The following RPS6KA6 variants were observed in gnomAD, a reference collection of about 807,000 sequenced individuals.
RPS6KA6 encodes ribosomal protein S6 kinase A6, also known as ribosomal protein S6 kinase alpha-6.
RPS6KA6 carries 27 observed loss-of-function variants against 65.4 expected under a neutral mutation model. The observed-to-expected ratio is 0.41, with a 90% CI of 0.30 to 0.57. The LOEUF is 0.57. Among genes scored for constraint, RPS6KA6 ranks in the 20% least tolerant of loss-of-function variants. The pLI, the probability that RPS6KA6 is intolerant of heterozygous loss-of-function variation, is 0.24. For missense variants in RPS6KA6, 486 were observed against 555.6 expected, an observed-to-expected ratio of 0.87 and a Z score of 1.26; for synonymous variants, 190 against 184.2, an observed-to-expected ratio of 1.03 and a Z score of -0.26.
chrX:84,103,842 T>C (rs192857253), intron 17 of RPS6KA6, among the ~76,000 whole-genome samples: 239 of 111,528 alleles, frequency 2.1e-3, no homozygotes, highest in African/African-American at 7.3e-3. Flanking sequence ...TTTCATTATG[T>C]CAATTCTAAA....
intron 20 of RPS6KA6, among the ~76,000 whole-genome samples, chrX:84,075,384 TTGAG>T (rs1426113045): frequency 9.0e-6 from 1 of 111,607 alleles, no homozygotes; most frequent in Non-Finnish European, 1.9e-5. Context: ...AAAGAGCAGT[TTGAG>T]TGAGCTGTGA....
intron 1 of RPS6KA6, among the ~76,000 whole-genome samples, chrX:84,172,002 G>A (rs1365003474): frequency 9.0e-6 from 1 of 111,508 alleles, no homozygotes; most frequent in African/African-American, 3.3e-5. Context: ...TCCCTGCAAA[G>A]GACATGAACT....
At chrX:84,156,278 T>C in intron 2 of RPS6KA6, 87 bp from the exon 3 acceptor site, 1 of 506,624 alleles carries the variant, frequency 2.0e-6, no homozygotes. Flanking sequence ...ATAATAGAAA[T>C]ACCCAACTCC....
rs376546960 is a variant in RPS6KA6, at chrX:84,163,511, C to T, written c.141+817G>A. On this transcript the variant is annotated intron_variant, in intron 2 of 21. Transcript: ENST00000262752. ...AAAATTAGCCGGGCGCGGTGGCGGG[C>T]GCCTGTAGTCCCAGCTACTCGGGAG... Among the ~76,000 whole-genome samples, 5 of 105,386 alleles carry T rather than the reference C, an allele frequency of 4.7e-5. No individual in the cohort carries two copies. In the East Asian group the frequency reaches 9.0e-4, roughly 19 times the overall value. The allele number at this position is 105,386 out of a possible 115,157, so 91.5% of individuals were successfully genotyped here.
chrX:84,088,934 G>A (rs2033987446), intron 20 of RPS6KA6, among the ~76,000 whole-genome samples: 1 of 111,490 alleles, frequency 9.0e-6, no homozygotes, highest in African/African-American at 3.3e-5. Flanking sequence ...CTGGGTTGTG[G>A]GGGACTCTTC....
chrX:84,084,148 C>T (rs1431366469), intron 20 of RPS6KA6, among the ~76,000 whole-genome samples: 3 of 112,253 alleles, frequency 2.7e-5, no homozygotes, highest in African/African-American at 9.7e-5. Flanking sequence ...TTTTCTCCCA[C>T]TCTGTAGTCT....
chrX:84,155,994 A>C (rs1010701649), intron 3 of RPS6KA6, 81 bp downstream of exon 3: 24 of 526,021 alleles, frequency 4.6e-5, no homozygotes, highest in Admixed American at 1.1e-4. Context: ...ACGACTCATT[A>C]ATCAGATTTC....
intron 8 of RPS6KA6, among the ~76,000 whole-genome samples, chrX:84,126,462 A>T (rs1171260493): frequency 9.0e-6 from 1 of 111,613 alleles, no homozygotes; most frequent in Non-Finnish European, 1.9e-5. Flanking sequence ...CAACAATGAA[A>T]TATCGAACTT....
chrX:84,067,992 A>G (rs1194913619), intron 20 of RPS6KA6, among the ~76,000 whole-genome samples: 1 of 112,071 alleles, frequency 8.9e-6, no homozygotes, highest in Non-Finnish European at 1.9e-5. Flanking sequence ...AGAATTTTCA[A>G]CCCAGAATTT....
rs766234337 is a variant in RPS6KA6 at position 84,116,899 on chromosome X, C to A, written c.949+161G>T. On this transcript the variant is annotated intron_variant, in intron 11 of 21. Coordinates refer to ENST00000262752, the MANE Select transcript of RPS6KA6 (RefSeq NM_014496.5). ...TAACTAGACTACTTCAGTTTTAAAT[C>A]ATGGACATAACAGAGTTTACTTTGT... is the stretch of plus-strand genomic sequence containing the variant. Among the ~76,000 whole-genome samples the A allele has an allele frequency of 7.2e-5, 8 of 111,798 alleles. No individual in the cohort carries two copies. The East Asian group carries it at 2.2e-3, about 31-fold the overall frequency.
At chrX:84,099,111 G>A (rs1226839633) in intron 18 of RPS6KA6, among the ~76,000 whole-genome samples, 1 of 111,095 alleles carries the variant, frequency 9.0e-6, no homozygotes, top group Non-Finnish European at 1.9e-5. Context: ...AAGGTTGAGG[G>A]CCACTGCACA....
chrX:84,108,153 T>G (rs1229268052), intron 12 of RPS6KA6, among the ~76,000 whole-genome samples: 3 of 112,068 alleles, frequency 2.7e-5, no homozygotes, highest in Non-Finnish European at 5.6e-5. Flanking sequence ...AATTGAAAAT[T>G]TAGTCGTCTA....
intron 1 of RPS6KA6, among the ~76,000 whole-genome samples, chrX:84,166,198 G>A (rs917087019): frequency 1.8e-4 from 20 of 111,666 alleles, no homozygotes; most frequent in African/African-American, 5.9e-4. Context: ...ATCCAGAGAG[G>A]ACAAGACATA....
At chrX:84,075,686 T>C (rs1470745183) in intron 20 of RPS6KA6, among the ~76,000 whole-genome samples, 1 of 110,526 alleles carries the variant, frequency 9.0e-6, no homozygotes, top group Non-Finnish European at 1.9e-5. Flanking sequence ...TAACAACAGA[T>C]TTCCTGTCAG....
At position 84,184,373 on chromosome X, in the gene RPS6KA6, G is replaced by C. The variant is rs759947030; in HGVS notation, c.81+3446C>G. Among the ~76,000 whole-genome samples the C allele has an allele frequency of 5.3e-5, 6 of 112,823 alleles. No homozygotes were observed. The South Asian group carries it at 2.2e-3, about 41-fold the overall frequency. On this transcript the variant is annotated intron_variant, in intron 1 of 21. Coordinates refer to ENST00000262752, the MANE Select transcript of RPS6KA6 (RefSeq NM_014496.5). ...AAGAGGCATGATGACTGTGGGAAAAGAGAAGGAACTATTGTGTACTAGAGA... is the reference window on the plus strand; with the variant it reads ...AAGAGGCATGATGACTGTGGGAAAACAGAAGGAACTATTGTGTACTAGAGA...
chrX:84,115,242 ACAACT>A (rs964319970), intron 12 of RPS6KA6, among the ~76,000 whole-genome samples: 1 of 111,855 alleles, frequency 8.9e-6, no homozygotes, highest in African/African-American at 3.3e-5. Context: ...AGGTACTCAA[ACAACT>A]CAACAGGTAA....
chrX:84,181,897 T>C (rs1049479564), intron 1 of RPS6KA6, among the ~76,000 whole-genome samples: 1 of 111,134 alleles, frequency 9.0e-6, no homozygotes, highest in African/African-American at 3.3e-5. Context: ...TTCATATATC[T>C]CCTACTTTGT....
chrX:84,090,890 C>T (rs1340722987), intron 20 of RPS6KA6, among the ~76,000 whole-genome samples: 3 of 111,862 alleles, frequency 2.7e-5, no homozygotes, highest in Admixed American at 9.5e-5. Context: ...AGCTTTCCTT[C>T]GAGCCTTCAA....
chrX:84,164,458 C>A (rs1470686238), intron 1 of RPS6KA6, 71 bp from the exon 2 acceptor site: 3 of 728,268 alleles, frequency 4.1e-6, no homozygotes, highest in African/African-American at 4.3e-5. Context: ...AAAAATATAA[C>A]CCTAGGCATT....
Sources: gnomAD v4.1 joint callset for allele counts (sites outside exome capture counted in the v4.1 genomes callset) on GRCh38, gnomAD v4.1.1 for gene constraint, MANE v1.5 for transcripts, NCBI Gene and HGNC (gene_info 2026-07-23, HGNC 2026-07-21) for gene names.